CRADD: variants seen among roughly 807,000 people sequenced by gnomAD.
CRADD encodes the protein death domain-containing protein CRADD.
CRADD carries 9 observed loss-of-function variants against 15.5 expected under a neutral mutation model. The ratio of observed to expected loss-of-function variants is 0.58; its 90% confidence interval spans 0.35 to 1.01. CRADD has a LOEUF of 1.01. Among genes scored for constraint, CRADD ranks in the 50% least tolerant of loss-of-function variants. The pLI is 0.02. For missense variants in CRADD, 227 were observed against 250.3 expected (o/e 0.91, Z 0.63); for synonymous variants, 118 against 107.6 (o/e 1.10, Z -0.60).
intron 2 of CRADD, among the ~76,000 whole-genome samples, chr12:93,810,638 TG>T (rs1474334663): frequency 6.8e-6 from 1 of 147,012 alleles, no homozygotes; most frequent in Non-Finnish European, 1.5e-5. Context: ...GTATGGCTGA[TG>T]TGTGTATTAT....
intron 2 of CRADD, among the ~76,000 whole-genome samples, chr12:93,869,146 A>G (rs2137064952): frequency 6.6e-6 from 1 of 152,314 alleles, no homozygotes; most frequent in Non-Finnish European, 1.5e-5. Flanking sequence ...CAGAAGCATC[A>G]TGCCCTAGAT....
chr12:93,750,575 G>A (rs971877065), intron 2 of CRADD, among the ~76,000 whole-genome samples: 1 of 151,904 alleles, frequency 6.6e-6, no homozygotes, highest in Admixed American at 6.6e-5. Flanking sequence ...CCTACATTTT[G>A]TATGTAATTT....
chr12:93,854,401 G>T (rs929570328), downstream of CRADD, among the ~76,000 whole-genome samples: 3 of 152,326 alleles, frequency 2.0e-5, no homozygotes, highest in South Asian at 6.2e-4. Context: ...CAGCAAGAAG[G>T]CAAGCCGCCA....
chr12:93,691,637 AT>A (rs1439792783), intron 2 of CRADD, among the ~76,000 whole-genome samples: 1 of 152,196 alleles, frequency 6.6e-6, no homozygotes, highest in Non-Finnish European at 1.5e-5. Flanking sequence ...TAATACAGGA[AT>A]GGCAGAAGCT....
rs59372325 is a variant in CRADD, at chr12:93,806,451, C to CAAAAAAA, written c.299-43504_299-43498dup. ...TAGGCGACAGAGCGAGACTCCATCTCAAAAAAAAAAAAAAAAAAAAACAAA... is the reference window on the plus strand; with the variant it reads ...TAGGCGACAGAGCGAGACTCCATCTCAAAAAAAAAAAAAAAAAAAAAAAAAAAACAAA... On this transcript the variant is annotated intron_variant, in intron 2 of 2. Transcript: ENST00000332896. Among the ~76,000 whole-genome samples the CAAAAAAA allele has an allele frequency of 4.2e-3, 250 of 58,946 alleles. 1 individual carries two copies. The highest frequency in any genetic ancestry group is 4.6e-3 in the African/African-American group (84 of 18,160). The allele number at this position is 58,946 out of a possible 152,430, so 38.7% of individuals were successfully genotyped here.
intron 2 of CRADD, among the ~76,000 whole-genome samples, chr12:93,791,917 G>A (rs1201637198): frequency 8.4e-6 from 1 of 118,658 alleles, no homozygotes; most frequent in Non-Finnish European, 1.7e-5. Flanking sequence ...TTTTTTTTTA[G>A]TCTCCAGGCT....
chr12:93,720,076 C>T (rs570213905), intron 2 of CRADD, among the ~76,000 whole-genome samples: 23 of 152,114 alleles, frequency 1.5e-4, no homozygotes, highest in Non-Finnish European at 3.1e-4. Context: ...CATCCAAATC[C>T]TATGCATTTC....
intron 2 of CRADD, among the ~76,000 whole-genome samples, chr12:93,836,566 T>A (rs1201089343): frequency 6.6e-6 from 1 of 152,248 alleles, no homozygotes; most frequent in African/African-American, 2.4e-5. Context: ...TTTACCATTA[T>A]GGAGTTTCCT....
At chr12:93,760,718 C>T (rs1363543639) in intron 2 of CRADD, among the ~76,000 whole-genome samples, 1 of 151,940 alleles carries the variant, frequency 6.6e-6, no homozygotes, top group Non-Finnish European at 1.5e-5. Context: ...TCAACAAGCA[C>T]CCACTGCATA....
At chr12:93,694,363 A>T (rs969564353) in intron 2 of CRADD, among the ~76,000 whole-genome samples, 2 of 152,196 alleles carry the variant, frequency 1.3e-5, no homozygotes, top group Non-Finnish European at 2.9e-5. Context: ...AGCTAACTTC[A>T]TACTCAACAG....
intron 2 of CRADD, among the ~76,000 whole-genome samples, chr12:93,720,942 T>C (rs542005149): frequency 6.6e-6 from 1 of 152,358 alleles, no homozygotes; most frequent in African/African-American, 2.4e-5. Flanking sequence ...GTTGGATACC[T>C]ACCATATTTG....
chr12:93,731,997 A>G (rs1226804416), intron 2 of CRADD, among the ~76,000 whole-genome samples: 3 of 152,020 alleles, frequency 2.0e-5, no homozygotes, highest in Non-Finnish European at 4.4e-5. Flanking sequence ...TTAGCCAGGC[A>G]TGGTGATGGG....
At position 93,703,972 on chromosome 12, in the gene CRADD, G is replaced by A. The variant is rs1014230192; in HGVS notation, c.298+24900G>A. 2.8e-5 allele frequency among the ~76,000 whole-genome samples: 4 copies of A among 141,754 alleles called. No individual in the cohort carries two copies. The East Asian group carries it at 8.6e-4, about 30-fold the overall frequency. The allele number at this position is 141,754 out of a possible 152,430, so 93.0% of individuals were successfully genotyped here. A position where few individuals can be genotyped will look rare whatever the true frequency, so the allele number is the denominator to read the frequency against. On this transcript the variant is annotated intron_variant, in intron 2 of 2. Coordinates refer to ENST00000332896, the MANE Select transcript of CRADD (RefSeq NM_003805.5). ...CTCACTTACCGTCAAATTATTTGGA[G>A]CCTTTCTTTTTTTTTTTTTTTTTTT... is the stretch of plus-strand genomic sequence containing the variant.
At chr12:93,892,461 T>C (rs1431171297) in intron 2 of CRADD, among the ~76,000 whole-genome samples, 1 of 152,220 alleles carries the variant, frequency 6.6e-6, no homozygotes, top group Non-Finnish European at 1.5e-5. Context: ...TGATTGCAAC[T>C]GTGACGTAAG....
intron 2 of CRADD, among the ~76,000 whole-genome samples, chr12:93,694,331 A>C (rs1326779760): frequency 6.6e-6 from 1 of 152,120 alleles, no homozygotes; most frequent in African/African-American, 2.4e-5. Flanking sequence ...AACACAAAAA[A>C]GGTTATATGG....
At chr12:93,886,273 A>C (rs1958537170) in intron 2 of CRADD, among the ~76,000 whole-genome samples, 1 of 142,656 alleles carries the variant, frequency 7.0e-6, no homozygotes, top group African/African-American at 2.6e-5. Flanking sequence ...CGATCCTCCC[A>C]CCTCAGTCTC....
At chr12:93,707,071 CCATT>C (rs1555216430) in intron 2 of CRADD, among the ~76,000 whole-genome samples, 1 of 152,052 alleles carries the variant, frequency 6.6e-6, no homozygotes, top group Non-Finnish European at 1.5e-5. Context: ...TTCAGGATAC[CCATT>C]CAAAGTCATC....
intron 2 of CRADD, among the ~76,000 whole-genome samples, chr12:93,765,332 A>AATG: frequency 6.6e-6 from 1 of 152,188 alleles, no homozygotes; most frequent in East Asian, 1.9e-4. Flanking sequence ...TAATAATAAT[A>AATG]ATGATGATGG....
intron 2 of CRADD, among the ~76,000 whole-genome samples, chr12:93,859,893 ATTTTT>A (rs11295660): frequency 0.22 from 32,836 of 147,072 alleles, 3,852 homozygotes; most frequent in East Asian, 0.44. Context: ...CGACCAGCTA[ATTTTT>A]TTTTTTTTTT....
Sources: gnomAD v4.1 joint callset for allele counts (sites outside exome capture counted in the v4.1 genomes callset) on GRCh38, gnomAD v4.1.1 for gene constraint, MANE v1.5 for transcripts, NCBI Gene and HGNC (gene_info 2026-07-23, HGNC 2026-07-21) for gene names.